TENM2: variants seen among roughly 807,000 people sequenced by gnomAD.
The protein encoded by TENM2 is teneurin transmembrane protein 2, also known as teneurin-2.
A neutral mutation model predicts 245.2 loss-of-function variants in TENM2; 52 were observed. The observed-to-expected ratio is 0.21, with a 90% CI of 0.17 to 0.27. TENM2 has a LOEUF of 0.27. Among genes scored for constraint, TENM2 ranks in the 10% least tolerant of loss-of-function variants. The pLI is 1.00. For missense variants in TENM2, 3,046 were observed against 3,666.8 expected, an observed-to-expected ratio of 0.83 and a Z score of 4.37; for synonymous variants, 1,363 against 1,438.9, an observed-to-expected ratio of 0.95 and a Z score of 1.19.
At chr5:167,028,458 A>T in the TENM2 span, among the ~76,000 whole-genome samples, 1 of 152,146 alleles carries the variant, frequency 6.6e-6, no homozygotes, top group African/African-American at 2.4e-5. Context: ...TTTTACCAGC[A>T]GTGTGTTTTA....
At chr5:168,109,485 G>A (rs1345006212) in intron 9 of TENM2, among the ~76,000 whole-genome samples, 1 of 152,204 alleles carries the variant, frequency 6.6e-6, no homozygotes, top group African/African-American at 2.4e-5. Context: ...CCCAGGTATG[G>A]TTTTTGAACT....
intron 8 of TENM2, among the ~76,000 whole-genome samples, chr5:168,096,771 A>G (rs1377653410): frequency 6.6e-6 from 1 of 152,212 alleles, no homozygotes; most frequent in African/African-American, 2.4e-5. Flanking sequence ...ATAACATCAC[A>G]TTTTGAGAAT....
chr5:167,686,436 A>G (rs749173330), intron 2 of TENM2, among the ~76,000 whole-genome samples: 2 of 152,168 alleles, frequency 1.3e-5, no homozygotes, highest in African/African-American at 2.4e-5. Flanking sequence ...CTGCAACCCA[A>G]ACGTTGCTTG....
At position 168,247,841 on chromosome 5, in the gene TENM2, G is replaced by T; in HGVS notation, c.6902G>T (p.Arg2301Leu). The change falls in exon 27 of 29, where the codon CGC becomes CTC. Residue 2301 changes from arginine (R) to leucine (L), a missense_variant. Around this residue, in one of 2 missense-constraint regions of TENM2, gnomAD observed 2,704 missense variants for 3,331.9 expected, o/e 0.81. Coordinates refer to ENST00000518659, the Ensembl canonical transcript of TENM2. This position sits in a 1 kb window ranked among gnomAD's most constrained non-coding sequence, Gnocchi z 7.8. ...GCCAGCGGGTGGAGTGTCCAGTACC[G>T]CTATGATGGCGTAGGACGGCGGGCT... The T allele has an allele frequency of 1.2e-6, 2 of 1,613,930 alleles. No individual in the cohort carries two copies. The highest frequency in any genetic ancestry group is 8.5e-7 in the Non-Finnish European group (1 of 1,179,878).
chr5:167,373,081 C>T (rs755790032), intron 1 of TENM2, among the ~76,000 whole-genome samples: 2 of 152,190 alleles, frequency 1.3e-5, no homozygotes, highest in Non-Finnish European at 2.9e-5. Flanking sequence ...CCCATGCTGA[C>T]AGGAACCTGC....
intron 3 of TENM2, among the ~76,000 whole-genome samples, chr5:167,908,714 T>A (rs1776313799): frequency 6.7e-6 from 1 of 148,154 alleles, no homozygotes; most frequent in African/African-American, 2.5e-5. Flanking sequence ...TCTCTCCTTC[T>A]CTCTTTTCCC....
At chr5:167,612,107 C>G (rs905829458) in intron 2 of TENM2, among the ~76,000 whole-genome samples, 11 of 152,010 alleles carry the variant, frequency 7.2e-5, no homozygotes, top group Non-Finnish European at 1.6e-4. Context: ...AAGAATTTAG[C>G]GAGTTACTAT....
At chr5:167,096,732 A>G in the TENM2 span, among the ~76,000 whole-genome samples, 1 of 152,228 alleles carries the variant, frequency 6.6e-6, no homozygotes, top group South Asian at 2.1e-4. Flanking sequence ...AGGAGTAAAG[A>G]GAATTATACA....
At chr5:167,770,905 G>A (rs926541019) in intron 2 of TENM2, among the ~76,000 whole-genome samples, 1 of 152,048 alleles carries the variant, frequency 6.6e-6, no homozygotes, top group Non-Finnish European at 1.5e-5. Flanking sequence ...GGCTGAGAGA[G>A]GATAGTACAG....
chr5:167,922,766 C>T (rs1777466367), intron 3 of TENM2, among the ~76,000 whole-genome samples: 1 of 152,202 alleles, frequency 6.6e-6, no homozygotes, highest in Non-Finnish European at 1.5e-5. Flanking sequence ...GCTGTGCCTG[C>T]CTCTTTGAAG....
At chr5:167,541,906 G>A (rs2127605581) in intron 2 of TENM2, among the ~76,000 whole-genome samples, 1 of 152,304 alleles carries the variant, frequency 6.6e-6, no homozygotes, top group East Asian at 1.9e-4. Flanking sequence ...AATTGCTTTA[G>A]GGGATTGTTA....
rs963578796 is a variant in TENM2, at chr5:167,938,564, C to T, written c.713-14024C>T. The T allele has an allele frequency of 3.3e-5, 5 of 152,180 alleles. No homozygotes were observed. The East Asian group carries it at 5.8e-4, about 18-fold the overall frequency. The allele number at this position is 152,180 out of a possible 1,614,324, so 9.4% of individuals were successfully genotyped here. On this transcript the variant is annotated intron_variant, in intron 3 of 28. Coordinates refer to ENST00000518659, the Ensembl canonical transcript of TENM2. ...TAGGACATGTCTCTTTCTTTACCTT[C>T]GTCAAGGCCAGGAACTCTGTACCTC...
rs1554164843 is a variant in TENM2 at position 167,490,395 on chromosome 5, T to TA, written c.502+114923dup. On this transcript the variant is annotated intron_variant, in intron 2 of 28. Transcript: ENST00000518659. ...AGAGATATTAATATCAATATGTTAC[T>TA]ACTAACTCCATCTAATAATGTTTTG... is the stretch of plus-strand genomic sequence containing the variant. Among the ~76,000 whole-genome samples the TA allele has an allele frequency of 4.2e-3, 637 of 151,982 alleles. 6 individuals are homozygous for TA. Among genetic ancestry groups the TA allele is most frequent in the African/African-American group, 0.014 (601 of 41,468 alleles).
At chr5:167,213,079 A>C in the TENM2 span, among the ~76,000 whole-genome samples, 631 of 152,364 alleles carry the variant, frequency 4.1e-3, 1 homozygote, top group Non-Finnish European at 7.6e-3. Context: ...CTTTAACACC[A>C]GCTAAACTAG....
At chr5:167,702,909 C>T (rs556010518) in intron 2 of TENM2, among the ~76,000 whole-genome samples, 2 of 152,102 alleles carry the variant, frequency 1.3e-5, no homozygotes, top group South Asian at 2.1e-4. Context: ...ATGATTCGCC[C>T]GCCTCAACCT....
intron 5 of TENM2, among the ~76,000 whole-genome samples, chr5:168,046,628 G>A (rs1205883828): frequency 6.6e-6 from 1 of 152,124 alleles, no homozygotes; most frequent in African/African-American, 2.4e-5. Flanking sequence ...GGTGCCCATG[G>A]GAGTCAAGAC....
At chr5:167,509,755 C>T (rs544576372) in intron 2 of TENM2, among the ~76,000 whole-genome samples, 45 of 152,298 alleles carry the variant, frequency 3.0e-4, no homozygotes, top group African/African-American at 1.1e-3. Flanking sequence ...ATAATTTTAA[C>T]AATAATGCTG....
rs753695015 is a variant in TENM2, at chr5:167,364,856, G to GA, written c.227-10333dup. On this transcript the variant is annotated intron_variant, in intron 1 of 28. Coordinates refer to ENST00000518659, the Ensembl canonical transcript of TENM2. The stretch of plus-strand genomic sequence containing the variant: ...ATTAACAAAAATAAAGGAGGAAAGA[G>GA]AAAAAAAAACTACAGATTTAACTCT... 5.7e-4 allele frequency among the ~76,000 whole-genome samples: 85 copies of GA among 149,584 alleles called. No individual in the cohort carries two copies. In the South Asian group the frequency reaches 5.7e-3, roughly 10 times the overall value.
intron 2 of TENM2, among the ~76,000 whole-genome samples, chr5:167,385,401 ATTTAC>A (rs1160271546): frequency 2.9e-5 from 4 of 136,414 alleles, no homozygotes; most frequent in Non-Finnish European, 4.8e-5. Context: ...GCTTGTCTTT[ATTTAC>A]TTTAATTTTT....
Sources: gnomAD v4.1 joint callset for allele counts (sites outside exome capture counted in the v4.1 genomes callset) on GRCh38, gnomAD v4.1.1 for gene constraint, gnomAD v4.1.1 regional missense constraint, Gnocchi (gnomAD v3.1) non-coding constraint, MANE v1.5 for transcripts, NCBI Gene and HGNC (gene_info 2026-07-23, HGNC 2026-07-21) for gene names.